Variants in AKNA observed in about 807,000 individuals in gnomAD.
The protein encoded by AKNA is AT-hook transcription factor, also known as microtubule organization protein AKNA.
In AKNA, 67 loss-of-function variants were observed where a neutral mutation model predicts 138.8. The observed-to-expected ratio is 0.48, with a 90% confidence interval of 0.40 to 0.59. The LOEUF (loss-of-function observed/expected upper bound fraction) is 0.59, where lower values mean the gene tolerates loss of function less well. AKNA is among the 20% of genes least tolerant of loss of function. AKNA has a pLI of 0.00. For missense variants in AKNA, 1,813 were observed against 1,880.4 expected (o/e 0.96, Z 0.66); for synonymous variants, 737 against 754.4 (o/e 0.98, Z 0.38).
downstream of AKNA, among the ~76,000 whole-genome samples, chr9:114,332,395 G>T (rs1766094): frequency 2.8e-3 from 399 of 144,364 alleles, 3 homozygotes; most frequent in African/African-American, 6.2e-3. Flanking sequence ...GAAAATTACT[G>T]TATAATGAGC....
chr9:114,341,085 G>C (rs760685453), intron 21 of AKNA, among the ~76,000 whole-genome samples: 4 of 152,216 alleles, frequency 2.6e-5, no homozygotes, highest in Non-Finnish European at 4.4e-5. Context: ...GTGCAGGAGT[G>C]AGGAGGATTG....
intron 7 of AKNA, among the ~76,000 whole-genome samples, chr9:114,363,278 A>G (rs1832106627): frequency 6.6e-6 from 1 of 152,214 alleles, no homozygotes; most frequent in African/African-American, 2.4e-5. Context: ...CAGGTAATAC[A>G]TGGCTAAAGC....
rs764972010 is a variant in AKNA, at chr9:114,359,973, GTCCT to G, written c.2210_2213del (p.Glu737AlafsTer31). The G allele has an allele frequency of 6.2e-7, 1 of 1,614,222 alleles. No individual in the cohort carries two copies. The highest frequency in any genetic ancestry group is 8.5e-7 in the Non-Finnish European group (1 of 1,180,046). ...GTCGGGCCAGGGGGTCCTGTGGCCT[GTCCT>G]CCACCTCACTGTTGCCAGAGCTCAC... is the stretch of plus-strand genomic sequence containing the variant. On this transcript the variant is annotated frameshift_variant, in exon 10 of 22. Coordinates refer to ENST00000374088, the MANE Select transcript of AKNA (RefSeq NM_001317950.2). LOFTEE classifies it high-confidence loss of function.
intron 9 of AKNA, among the ~76,000 whole-genome samples, chr9:114,360,821 G>T (rs1831892793): frequency 6.6e-6 from 1 of 152,188 alleles, no homozygotes; most frequent in Non-Finnish European, 1.5e-5. Flanking sequence ...CTGCAAAACG[G>T]AGATAGTGAT....
chr9:114,376,575 C>A lies in AKNA; in HGVS notation c.1232G>T (p.Ser411Ile). 1.2e-6 allele frequency: 2 copies of A among 1,614,144 alleles called. No homozygotes were observed. The highest frequency in any genetic ancestry group is 1.1e-5 in the South Asian group (1 of 91,086). ...GTCCTTTGCCAGGGCTGCTTCTCCA[C>A]TGCTCAACAGCACCTCCTGCACAAT... ...AEIVQEVLLS[S>I]GEAALAKDTP... The change falls in exon 3 of 22, where the codon AGT becomes ATT. Residue 411 changes from serine to isoleucine, a missense_variant. Physicochemically the swap from Ser to Ile is moderately radical, Grantham distance 142. Transcript: ENST00000374088.
At chr9:114,383,866 C>A (rs1821298392) in intron 1 of AKNA, among the ~76,000 whole-genome samples, 1 of 152,206 alleles carries the variant, frequency 6.6e-6, no homozygotes, top group Non-Finnish European at 1.5e-5. Flanking sequence ...GCTGCGACTC[C>A]TGCTCTGTGG....
chr9:114,386,981 C>T lies in AKNA; in HGVS notation c.-114+879G>A, dbSNP rs568192781. Among the ~76,000 whole-genome samples, 53 of 152,016 alleles carry T rather than the reference C, an allele frequency of 3.5e-4. 1 individual carries two copies. The highest frequency in any genetic ancestry group is 3.7e-4 in the Non-Finnish European group (25 of 68,000). On this transcript the variant is annotated intron_variant, in intron 1 of 21. Transcript: ENST00000374088. ...TTCTACCCCCACCCACACCCTGACA[C>T]CTCCCAGATGAAGACACTGAGGCAC...
In AKNA at chr9:114,343,734, C is replaced by T; in HGVS notation, c.3731G>A (p.Cys1244Tyr). 6.2e-7 allele frequency: 1 copy of T among 1,614,152 alleles called. No individual in the cohort carries two copies. Among genetic ancestry groups the T allele is most frequent in the Non-Finnish European group, 8.5e-7 (1 of 1,180,006 alleles). The part of the protein sequence containing the change: ...KGNGTVSCPH[C>Y]RPIRTQDAGG... ...CGCATCCTGGGTCCTAATGGGCCGG[C>T]AGTGGGGACAGGAGACTGTGCCATT... Residue 1244 changes from cysteine (C) to tyrosine (Y), a missense_variant, in exon 19 of 22, where the codon TGC becomes TAC. Coordinates refer to ENST00000374088, the MANE Select transcript of AKNA (RefSeq NM_001317950.2).
intron 2 of AKNA, among the ~76,000 whole-genome samples, chr9:114,377,909 C>T (rs1424242831): frequency 6.6e-6 from 1 of 152,134 alleles, no homozygotes; most frequent in East Asian, 1.9e-4. Context: ...CTATAAAGAT[C>T]GCAAACTCAT....
rs758074889 is a variant in AKNA at position 114,356,090 on chromosome 9, C to T, written c.2893G>A (p.Asp965Asn). The change falls in exon 14 of 22, where the codon GAT becomes AAT. Residue 965 changes from aspartate to asparagine, a missense_variant. By Grantham distance (23) the Asp-to-Asn change is conservative. Coordinates refer to ENST00000374088, the MANE Select transcript of AKNA (RefSeq NM_001317950.2). The stretch of plus-strand genomic sequence containing the variant: ...CTGGCCTTGGGGTAGGAAGCTCCAT[C>T]CCTGGGCACAGATGCAGCAAAGGGC... ...AQPFAASVPRDGASYPKARGS... is the reference protein window; with the variant it reads ...AQPFAASVPRNGASYPKARGS... The T allele has an allele frequency of 1.7e-5, 28 of 1,613,994 alleles. No individual in the cohort carries two copies. The highest frequency in any genetic ancestry group is 2.3e-5 in the Non-Finnish European group (27 of 1,180,028).
intron 4 of AKNA, among the ~76,000 whole-genome samples, chr9:114,371,135 C>T (rs1218360915): frequency 1.3e-5 from 2 of 152,174 alleles, no homozygotes; most frequent in African/African-American, 4.8e-5. Context: ...GCTCCCTGCC[C>T]CACAGCTGGG....
chr9:114,354,749 TAAGTAG>T (rs1831370222), intron 14 of AKNA, among the ~76,000 whole-genome samples: 1 of 149,212 alleles, frequency 6.7e-6, no homozygotes, highest in Non-Finnish European at 1.5e-5. Flanking sequence ...ATTTTTAAAA[TAAGTAG>T]AAGAAATACA....
Position 114,345,970 on chromosome 9 carries a change from T to G in AKNA, c.3554A>C (p.Glu1185Ala). 6.2e-7 allele frequency: 1 copy of G among 1,613,896 alleles called. No individual in the cohort carries two copies. Among genetic ancestry groups the G allele is most frequent in the Non-Finnish European group, 8.5e-7 (1 of 1,179,962 alleles). Reference sequence around the variant, plus strand: ...ACTGTCCTTGGTGGTCTTGCTCTTCTCAGAGAACAGTGGTAGGGAGGGCAG... The same window carrying G: ...ACTGTCCTTGGTGGTCTTGCTCTTCGCAGAGAACAGTGGTAGGGAGGGCAG... ...SELPSLPLFS[E>A]KSKTTKDSPQ... is the part of the protein sequence containing the mutation. The change falls in exon 18 of 22, where the codon GAG (glutamate) becomes GCG (alanine). Residue 1185 changes from glutamate (E) to alanine (A), a missense_variant. By Grantham distance (107) the Glu-to-Ala change is moderately radical (BLOSUM62 -1). Transcript: ENST00000374088.
chr9:114,391,796 G>GT (rs1834347840), upstream of AKNA, among the ~76,000 whole-genome samples: 1 of 142,534 alleles, frequency 7.0e-6, no homozygotes, highest in Admixed American at 7.3e-5. Context: ...GGAGGTTGCA[G>GT]TGAGTCGAGA....
At chr9:114,369,516 C>T (rs1462591242) in intron 4 of AKNA, among the ~76,000 whole-genome samples, 28 of 152,190 alleles carry the variant, frequency 1.8e-4, no homozygotes, top group Admixed American at 1.8e-3. Context: ...AGCCCAGGTT[C>T]CTGTCTAGGC....
At position 114,381,102 on chromosome 9, in the gene AKNA, C is replaced by T. The variant is rs201071121; in HGVS notation, c.232G>A (p.Asp78Asn). ...CCTGACTCGGAATCCTGATGCCCAT[C>T]GGGCTGCGGGTGTGGGTCCCACTCC... ...PLEWDPHPQP[D>N]GHQDSESGET... Residue 78 changes from aspartate (D) to asparagine (N), a missense_variant, in exon 2 of 22, where the codon GAT becomes AAT. By Grantham distance (23) the Asp-to-Asn change is conservative. Coordinates refer to ENST00000374088, the MANE Select transcript of AKNA (RefSeq NM_001317950.2). The T allele has an allele frequency of 4.4e-5, 70 of 1,600,648 alleles. 1 individual carries two copies. The highest frequency in any genetic ancestry group is 3.5e-4 in the South Asian group (31 of 89,492).
At chr9:114,337,464 G>A (rs1830074711) in intron 21 of AKNA, among the ~76,000 whole-genome samples, 158 bp from the exon 22 acceptor site, 1 of 152,116 alleles carries the variant, frequency 6.6e-6, no homozygotes, top group African/African-American at 2.4e-5. Flanking sequence ...GGGAATAATG[G>A]GCACACATCC....
chr9:114,381,550 A>T, intron 1 of AKNA, 104 bp from the exon 2 acceptor site: 1 of 1,177,576 alleles, frequency 8.5e-7, no homozygotes, highest in Non-Finnish European at 1.1e-6. Context: ...CCCCAGTTCA[A>T]CTCCTGGTTG....
At chr9:114,391,641 G>A (rs1834342173), upstream of AKNA, among the ~76,000 whole-genome samples, 1 of 152,110 alleles carries the variant, frequency 6.6e-6, no homozygotes, top group Non-Finnish European at 1.5e-5. Context: ...CTGAGGTCAG[G>A]AGTTCGACAC....
Sources: gnomAD v4.1 joint callset for allele counts (sites outside exome capture counted in the v4.1 genomes callset) on GRCh38, gnomAD v4.1.1 for gene constraint, MANE v1.5 for transcripts, NCBI Gene and HGNC (gene_info 2026-07-23, HGNC 2026-07-21) for gene names.